The following CCDC88A variants were observed in gnomAD, a reference collection of about 807,000 sequenced individuals.
CCDC88A encodes coiled-coil and HOOK domain protein 88A.
CCDC88A carries 54 observed loss-of-function variants against 234.3 expected under a neutral mutation model. That is an observed-to-expected ratio of 0.23 (90% CI 0.19 to 0.29). The LOEUF is 0.29. Among genes scored for constraint, CCDC88A ranks in the 10% least tolerant of loss-of-function variants. The probability of loss-of-function intolerance (pLI) is 1.00; values close to 1 mark genes in which losing one functional copy is unlikely to be tolerated. For missense variants in CCDC88A, 1,832 were observed against 2,123.4 expected, an observed-to-expected ratio of 0.86 and a Z score of 2.70; for synonymous variants, 753 against 737.8, an observed-to-expected ratio of 1.02 and a Z score of -0.33.
At chr2:55,359,497 C>CA (rs1671006038) in intron 7 of CCDC88A, among the ~76,000 whole-genome samples, 1 of 151,710 alleles carries the variant, frequency 6.6e-6, no homozygotes, top group Middle Eastern at 3.2e-3. Flanking sequence ...TATACATTTT[C>CA]AAAATAGTCT....
chr2:55,346,592 G>A (rs1397014986), intron 9 of CCDC88A, among the ~76,000 whole-genome samples: 1 of 151,856 alleles, frequency 6.6e-6, no homozygotes, highest in East Asian at 1.9e-4. Flanking sequence ...GCTAATTTTT[G>A]TATTTTTAGT....
intron 7 of CCDC88A, among the ~76,000 whole-genome samples, chr2:55,358,761 A>C (rs1284196199): frequency 6.6e-6 from 1 of 150,742 alleles, no homozygotes; most frequent in Non-Finnish European, 1.5e-5. Context: ...AAGATATACA[A>C]GTTTCTTCAA....
Position 55,309,282 on chromosome 2 carries a change from C to T in CCDC88A, c.4080-28G>A. On this transcript the variant is annotated intron_variant, in intron 23 of 32. Coordinates refer to ENST00000436346, the MANE Select transcript of CCDC88A (RefSeq NM_001365480.1). This position sits in a 1 kb window ranked among gnomAD's most constrained non-coding sequence, Gnocchi z 5.1. The stretch of plus-strand genomic sequence containing the variant: ...ATAAAATAAAAATTACCTTTTAGGA[C>T]AGGCATCATATTTTGTACAGCTATG... 9.8e-7 allele frequency: 1 copy of T among 1,024,226 alleles called. No homozygotes were observed. The highest frequency in any genetic ancestry group is 1.5e-6 in the Non-Finnish European group (1 of 670,982). The allele number at this position is 1,024,226 out of a possible 1,614,324, so 63.4% of individuals were successfully genotyped here.
chr2:55,301,629 C>T, intron 27 of CCDC88A: 1 of 558,978 alleles, frequency 1.8e-6, no homozygotes, highest in Non-Finnish European at 3.1e-6. Context: ...ACCTGGTTTA[C>T]TTCTCGTTTT....
intron 7 of CCDC88A, among the ~76,000 whole-genome samples, chr2:55,357,828 C>T (rs1305503310): frequency 2.6e-5 from 4 of 152,152 alleles, no homozygotes; most frequent in Non-Finnish European, 5.9e-5. Flanking sequence ...TTTCCGATTC[C>T]AGTATGTCTG....
chr2:55,392,022 A>G (rs147659111), intron 2 of CCDC88A, among the ~76,000 whole-genome samples: 95 of 152,324 alleles, frequency 6.2e-4, no homozygotes, highest in East Asian at 2.9e-3. Context: ...ATTGCATAGA[A>G]TGATTTTCAG....
chr2:55,312,145 C>CT, intron 23 of CCDC88A, among the ~76,000 whole-genome samples: 1 of 152,204 alleles, frequency 6.6e-6, no homozygotes, highest in South Asian at 2.1e-4. Flanking sequence ...ATTCCTGCCC[C>CT]TATATGTGCT....
At position 55,312,489 on chromosome 2, in the gene CCDC88A, A is replaced by G. The variant is rs770549899; in HGVS notation, c.4024T>C (p.Leu1342=). ...QTLMLQNRTL[L]EQNMESKDLF... The stretch of plus-strand genomic sequence containing the variant: ...TCCTTGCTTTCCATATTCTGCTCCA[A>G]AAGTGTTCTGTTCTGTAGCATTAAT... Residue 1342 remains leucine, a synonymous_variant, in exon 23 of 33, where the codon TTG becomes CTG. Coordinates refer to ENST00000436346, the MANE Select transcript of CCDC88A (RefSeq NM_001365480.1). 3.1e-6 allele frequency: 5 copies of G among 1,612,176 alleles called. No homozygotes were observed. The highest frequency in any genetic ancestry group is 3.3e-5 in the Admixed American group (2 of 59,766).
In CCDC88A at chr2:55,296,411, C is replaced by G; in HGVS notation, c.4938G>C (p.Leu1646Phe). Reference sequence around the variant, plus strand: ...CTGGGCTTGATCTGGTCTGTCTTTTCAAGTACTGGATTGGACTGCTACCAC... The same window carrying G: ...CTGGGCTTGATCTGGTCTGTCTTTTGAAGTACTGGATTGGACTGCTACCAC... The part of the protein sequence containing the change: ...SSSGSSPIQY[L>F]KRQTRSSPVL... The change falls in exon 30 of 33, where the codon TTG (leucine) becomes TTC (phenylalanine). Residue 1646 changes from leucine (L) to phenylalanine (F), a missense_variant. Physicochemically the swap from Leu to Phe is conservative, Grantham distance 22 (BLOSUM62 0). Around this residue, in one of 6 missense-constraint regions of CCDC88A, gnomAD observed 422 missense variants for 416.5 expected, o/e 1.01. Coordinates refer to ENST00000436346, the MANE Select transcript of CCDC88A (RefSeq NM_001365480.1). 1 of 1,614,176 alleles carries G rather than the reference C, an allele frequency of 6.2e-7. No individual in the cohort carries two copies. Among genetic ancestry groups the G allele is most frequent in the East Asian group, 2.2e-5 (1 of 44,870 alleles).
rs2104742337 is a variant in CCDC88A at position 55,349,531 on chromosome 2, C to A, written c.869G>T (p.Arg290Met). 6.2e-7 allele frequency: 1 copy of A among 1,611,654 alleles called. No homozygotes were observed. The highest frequency in any genetic ancestry group is 8.5e-7 in the Non-Finnish European group (1 of 1,178,554). The change falls in exon 9 of 33, where the codon AGG becomes ATG. Residue 290 changes from arginine to methionine, a missense_variant. By Grantham distance (91) the Arg-to-Met change is moderately conservative. This residue lies in a region of CCDC88A where 1,282 missense variants were observed against 1,543.6 expected (regional missense o/e 0.83). Transcript: ENST00000436346. ...CCAGGTACAAACCTCTTGTTGCAGC[C>A]TTTTGAGTTCTATTTCCATTTGCTC... ...ELEQMEIELK[R>M]LQQENMNLLS...
At chr2:55,312,381 A>T in intron 23 of CCDC88A, 53 bp downstream of exon 23, 1 of 1,527,294 alleles carries the variant, frequency 6.5e-7, no homozygotes. Context: ...GGGTATGGCA[A>T]TGATAAAATC....
At chr2:55,347,219 T>C (rs1009302422) in intron 9 of CCDC88A, among the ~76,000 whole-genome samples, 3 of 152,180 alleles carry the variant, frequency 2.0e-5, no homozygotes, top group Non-Finnish European at 2.9e-5. Flanking sequence ...GAGACAAATA[T>C]TAAAATCCAA....
chr2:55,291,772 A>C lies in CCDC88A; in HGVS notation c.5555T>G (p.Val1852Gly), dbSNP rs1447205941. 5 of 1,610,454 alleles carry C rather than the reference A, an allele frequency of 3.1e-6. No individual in the cohort carries two copies. In the South Asian group the frequency reaches 5.5e-5, roughly 18 times the overall value. Residue 1852 changes from valine to glycine, a missense_variant, in exon 32 of 33, where the codon GTG (valine) becomes GGG (glycine). Val to Gly is a moderately radical substitution (Grantham distance 109). Coordinates refer to ENST00000436346, the MANE Select transcript of CCDC88A (RefSeq NM_001365480.1). ...ADSNTTAASN[V>G]DKVQESRNSK... ...ATTTCTGCTTTCTTGTACTTTGTCC[A>C]CATCTGCAGGAGAAAAGCATTTCAT...
Position 55,378,301 on chromosome 2 carries a change from T to C in CCDC88A, c.274-3418A>G, listed in dbSNP as rs563829964. ...TATGGTATCACCAAAGACTTTTTGT[T>C]AATACAATTTCATCTTTACGCTATG... On this transcript the variant is annotated intron_variant, in intron 3 of 32. Coordinates refer to ENST00000436346, the MANE Select transcript of CCDC88A (RefSeq NM_001365480.1). Among the ~76,000 whole-genome samples, 35 of 152,376 alleles carry C rather than the reference T, an allele frequency of 2.3e-4. 1 individual carries two copies. The South Asian group carries it at 7.2e-3, about 32-fold the overall frequency.
rs1418741634 is a variant in CCDC88A at position 55,401,433 on chromosome 2, C to CAAAAAAAAAAAAAAAAAAA, written c.165-12548_165-12547insTTTTTTTTTTTTTTTTTTT. 6.3e-4 allele frequency among the ~76,000 whole-genome samples: 19 copies of CAAAAAAAAAAAAAAAAAAA among 30,128 alleles called. 8 individuals carry two copies. The highest frequency in any genetic ancestry group is 3.0e-3 in the Admixed American group (6 of 2,020). 19.8% of individuals were successfully genotyped at this position (30,128 alleles called of 152,430 possible). ...TGGATGACAGAGAAAGACTCTGTCT[C>CAAAAAAAAAAAAAAAAAAA]CAAAAAAAAAAAAAATATATATATA... On this transcript the variant is annotated intron_variant, in intron 2 of 32. Transcript: ENST00000436346.
intron 3 of CCDC88A, among the ~76,000 whole-genome samples, chr2:55,385,846 C>A (rs1675493741): frequency 2.4e-5 from 1 of 42,536 alleles, no homozygotes; most frequent in African/African-American, 9.3e-5. Flanking sequence ...GAGTGAAACT[C>A]CATGTCAAAA....
chr2:55,297,592 G>C (rs2104558735), intron 29 of CCDC88A, among the ~76,000 whole-genome samples: 1 of 149,364 alleles, frequency 6.7e-6, no homozygotes, highest in African/African-American at 2.5e-5. Context: ...TGTACTTTTA[G>C]TAGAGACGGG....
Position 55,343,802 on chromosome 2 carries a change from T to G in CCDC88A, c.1189-10A>C. 1 of 1,599,992 alleles carries G rather than the reference T, an allele frequency of 6.3e-7. No homozygotes were observed. The highest frequency in any genetic ancestry group is 8.5e-7 in the Non-Finnish European group (1 of 1,172,500). On this transcript the variant is annotated splice_polypyrimidine_tract_variant and intron_variant, in intron 11 of 32. Transcript: ENST00000436346. Reference sequence around the variant, plus strand: ...TATCCATATCTCGTTCCTTTTTTATTGGCAAGGATTAGGGAGAGAAAAAAG... The same window carrying G: ...TATCCATATCTCGTTCCTTTTTTATGGGCAAGGATTAGGGAGAGAAAAAAG...
chr2:55,341,010 G>T (rs938075676), intron 12 of CCDC88A, among the ~76,000 whole-genome samples: 9 of 151,930 alleles, frequency 5.9e-5, no homozygotes, highest in African/African-American at 1.9e-4. Flanking sequence ...CTGTTTCTAT[G>T]AGTCTGAATT....
Sources: gnomAD v4.1 joint callset for allele counts (sites outside exome capture counted in the v4.1 genomes callset) on GRCh38, gnomAD v4.1.1 for gene constraint, gnomAD v4.1.1 regional missense constraint, Gnocchi (gnomAD v3.1) non-coding constraint, MANE v1.5 for transcripts, NCBI Gene and HGNC (gene_info 2026-07-23, HGNC 2026-07-21) for gene names.